The following COBL variants were observed in gnomAD, a reference collection of about 807,000 sequenced individuals.
The protein encoded by COBL is cordon-bleu WH2 repeat protein.
COBL carries 51 observed loss-of-function variants against 98.8 expected under a neutral mutation model. The ratio of observed to expected loss-of-function variants is 0.52; its 90% CI spans 0.41 to 0.65. The LOEUF (loss-of-function observed/expected upper bound fraction) is 0.65, where lower values mean the gene tolerates loss of function less well. Ranked by LOEUF, COBL falls within the 30% of genes least tolerant of loss-of-function variation. The pLI is 0.00. For synonymous variants in COBL, 634 were observed against 651.7 expected (o/e 0.97, Z 0.41); for missense variants, 1,617 against 1,617.5 (o/e 1.00, Z 0.01).
At chr7:51,117,321 T>C (rs1037544247) in intron 6 of COBL, among the ~76,000 whole-genome samples, 3 of 134,000 alleles carry the variant, frequency 2.2e-5, no homozygotes, top group Admixed American at 7.7e-5. Context: ...CTGGAGTCAA[T>C]AGAGTCCCAG....
chr7:51,082,928 A>T, intron 7 of COBL: 1 of 830,134 alleles, frequency 1.2e-6, no homozygotes. Context: ...GCATTGGGAA[A>T]CAAGAGCTGA....
chr7:51,027,817 T>C lies in COBL; in HGVS notation c.3279A>G (p.Lys1093=), dbSNP rs376590281. The C allele has an allele frequency of 1.6e-5, 26 of 1,614,126 alleles. No individual in the cohort carries two copies. The highest frequency in any genetic ancestry group is 1.2e-4 in the African/African-American group (9 of 74,944). ...IWPPSIFGPK[K]KFKPVVQRPV... ...GTCTCTGGACAACAGGTTTGAATTT[T>C]TTCTTCGGCCCAAAAATGCTGGGTG... The change falls in exon 10 of 13, where the codon AAA becomes AAG. Residue 1093 remains lysine (K), a synonymous_variant. Transcript: ENST00000265136.
At chr7:51,171,710 A>G (rs1183832957) in intron 5 of COBL, among the ~76,000 whole-genome samples, 1 of 152,160 alleles carries the variant, frequency 6.6e-6, no homozygotes, top group Non-Finnish European at 1.5e-5. Context: ...TTACAGTTTT[A>G]TAATCACATC....
chr7:51,279,650 CA>C, intron 1 of COBL, among the ~76,000 whole-genome samples: 1 of 152,228 alleles, frequency 6.6e-6, no homozygotes, highest in East Asian at 1.9e-4. Context: ...CCAGCGTCCA[CA>C]ACCTACATTA....
intron 1 of COBL, among the ~76,000 whole-genome samples, chr7:51,290,433 T>G (rs1563132485): frequency 1.3e-5 from 2 of 152,226 alleles, no homozygotes; most frequent in Non-Finnish European, 1.5e-5. Flanking sequence ...CAACTCAGAT[T>G]GCTGGCTTGG....
chr7:51,150,491 T>C (rs1463936979), intron 5 of COBL, among the ~76,000 whole-genome samples: 1 of 152,202 alleles, frequency 6.6e-6, no homozygotes, highest in African/African-American at 2.4e-5. Context: ...ATCATCATCA[T>C]TATTATTACA....
intron 1 of COBL, among the ~76,000 whole-genome samples, chr7:51,291,377 C>T (rs535403673): frequency 6.6e-6 from 1 of 152,268 alleles, no homozygotes; most frequent in African/African-American, 2.4e-5. Flanking sequence ...ACCTTGAACA[C>T]AATCTGGGAA....
intron 1 of COBL, among the ~76,000 whole-genome samples, chr7:51,280,849 A>G (rs1251887356): frequency 6.6e-6 from 1 of 152,216 alleles, no homozygotes; most frequent in Non-Finnish European, 1.5e-5. Context: ...CTTAACTACC[A>G]TTGAAATGAC....
chr7:51,087,560 G>A (rs1249105563), intron 6 of COBL, among the ~76,000 whole-genome samples: 3 of 151,740 alleles, frequency 2.0e-5, no homozygotes, highest in Non-Finnish European at 4.4e-5. Context: ...GTGCAGTGGC[G>A]CGATCTCGGG....
chr7:51,120,333 G>C (rs1797636292), intron 6 of COBL, among the ~76,000 whole-genome samples: 1 of 151,888 alleles, frequency 6.6e-6, no homozygotes, highest in Admixed American at 6.6e-5. Context: ...ACCTTCTTAG[G>C]TTCACTGAAA....
intron 1 of COBL, among the ~76,000 whole-genome samples, chr7:51,263,360 G>A (rs560010138): frequency 1.4e-4 from 22 of 152,326 alleles, no homozygotes; most frequent in African/African-American, 5.3e-4. Flanking sequence ...ATTGTTTTAA[G>A]CAGGAAGATA....
chr7:51,218,421 G>A (rs75507327), intron 2 of COBL, among the ~76,000 whole-genome samples: 2,077 of 152,250 alleles, frequency 0.014, 32 homozygotes, highest in African/African-American at 0.047. Flanking sequence ...AATTTTCACC[G>A]TTATCCATTA....
intron 1 of COBL, among the ~76,000 whole-genome samples, chr7:51,296,641 T>C (rs1801442497): frequency 6.6e-6 from 1 of 152,188 alleles, no homozygotes; most frequent in Admixed American, 6.5e-5. Flanking sequence ...TTTTACGGAA[T>C]AGTTTTTGTT....
At chr7:51,150,649 A>G (rs1785470191) in intron 5 of COBL, among the ~76,000 whole-genome samples, 1 of 152,156 alleles carries the variant, frequency 6.6e-6, no homozygotes, top group Non-Finnish European at 1.5e-5. Flanking sequence ...TTCAGCCTAC[A>G]GCAATGAGAC....
intron 7 of COBL, among the ~76,000 whole-genome samples, chr7:51,060,897 A>G (rs1454914654): frequency 6.6e-6 from 1 of 152,192 alleles, no homozygotes; most frequent in African/African-American, 2.4e-5. Flanking sequence ...ATCCAGGGGA[A>G]AATAGACTAC....
At chr7:51,132,319 C>T (rs999192866) in intron 6 of COBL, among the ~76,000 whole-genome samples, 1 of 152,228 alleles carries the variant, frequency 6.6e-6, no homozygotes, top group African/African-American at 2.4e-5. Context: ...GAAGGGTGAT[C>T]TCATCCAAGC....
intron 1 of COBL, among the ~76,000 whole-genome samples, chr7:51,237,840 G>T (rs538727367): frequency 1.3e-5 from 2 of 152,270 alleles, no homozygotes; most frequent in East Asian, 3.9e-4. Context: ...TCCCCAAAAG[G>T]GTGTGACAGG....
chr7:51,195,954 T>C (rs1790552859), intron 2 of COBL, among the ~76,000 whole-genome samples: 1 of 152,204 alleles, frequency 6.6e-6, no homozygotes, highest in Admixed American at 6.5e-5. Context: ...TGGAGATAGT[T>C]TGACTTCCTC....
rs569106336 is a variant in COBL at position 51,055,600 on chromosome 7, A to G, written c.1097-11908T>C. On this transcript the variant is annotated intron_variant, in intron 7 of 12. Transcript: ENST00000265136. ...AAAATAGAGATTGTCCAGACCCCATACCCCCATGAGTTTCTGATTCAGTGG... is the reference window on the plus strand; with the variant it reads ...AAAATAGAGATTGTCCAGACCCCATGCCCCCATGAGTTTCTGATTCAGTGG... Among the ~76,000 whole-genome samples, 10 of 151,902 alleles carry G rather than the reference A, an allele frequency of 6.6e-5. 1 individual carries two copies. Among genetic ancestry groups the G allele is most frequent in the Admixed American group, 2.6e-4 (4 of 15,276 alleles).
Sources: allele counts gnomAD v4.1 joint callset (sites outside exome capture counted in the v4.1 genomes callset), GRCh38; gene constraint gnomAD v4.1.1; transcripts MANE v1.5; gene names NCBI Gene and HGNC (gene_info 2026-07-23, HGNC 2026-07-21).